RNF6: variants seen among roughly 807,000 people sequenced by gnomAD.
RNF6 encodes ring finger protein 6, also known as E3 ubiquitin-protein ligase RNF6.
Under a neutral mutation model 50.1 loss-of-function variants are expected in RNF6, and 21 were observed. That is an observed-to-expected ratio of 0.42 (90% CI 0.30 to 0.60). RNF6 has a LOEUF of 0.60. Among genes scored for constraint, RNF6 ranks in the 20% least tolerant of loss-of-function variants. RNF6 has a pLI of 0.20. For synonymous variants in RNF6, 255 were observed against 291.8 expected, an observed-to-expected ratio of 0.87 and a Z score of 1.29; for missense variants, 698 against 838.2, an observed-to-expected ratio of 0.83 and a Z score of 2.07.
intron 5 of RNF6, among the ~76,000 whole-genome samples, chr13:26,140,257 A>G (rs191811033): frequency 6.6e-6 from 1 of 152,194 alleles, no homozygotes; most frequent in African/African-American, 2.4e-5. Flanking sequence ...AAATTAATTG[A>G]AAGGAGTTTA....
intron 5 of RNF6, among the ~76,000 whole-genome samples, chr13:26,203,275 G>A (rs1334697760): frequency 6.6e-6 from 1 of 152,202 alleles, no homozygotes; most frequent in Admixed American, 6.5e-5. Context: ...TATTTAACCT[G>A]GAGAAGGGAA....
intron 5 of RNF6, among the ~76,000 whole-genome samples, chr13:26,198,050 T>C (rs940480027): frequency 1.3e-5 from 2 of 150,984 alleles, no homozygotes; most frequent in Admixed American, 6.6e-5. Context: ...GATGTGTATA[T>C]ATACATACAT....
At chr13:26,178,875 A>C in intron 5 of RNF6, among the ~76,000 whole-genome samples, 1 of 152,064 alleles carries the variant, frequency 6.6e-6, no homozygotes, top group East Asian at 1.9e-4. Flanking sequence ...TATAAGTGAG[A>C]TCATGCAGTG....
intron 4 of RNF6, among the ~76,000 whole-genome samples, chr13:26,217,427 G>A (rs188967783): frequency 2.4e-4 from 37 of 152,198 alleles, no homozygotes; most frequent in African/African-American, 8.2e-4. Flanking sequence ...TAAAAGCATC[G>A]GAAATTGGCT....
At chr13:26,146,398 C>T (rs1358581069) in intron 5 of RNF6, among the ~76,000 whole-genome samples, 1 of 152,196 alleles carries the variant, frequency 6.6e-6, no homozygotes, top group Non-Finnish European at 1.5e-5. Context: ...TCAAATTATT[C>T]CCATTGCATT....
chr13:26,190,801 C>A (rs1025500104), intron 5 of RNF6, among the ~76,000 whole-genome samples: 2 of 152,170 alleles, frequency 1.3e-5, no homozygotes, highest in Admixed American at 1.3e-4. Flanking sequence ...GTTAATGTGA[C>A]CTAATTCATC....
intron 5 of RNF6, among the ~76,000 whole-genome samples, chr13:26,185,721 G>C (rs932324165): frequency 1.3e-5 from 2 of 152,194 alleles, no homozygotes; most frequent in African/African-American, 4.8e-5. Flanking sequence ...ACTCCAGCCT[G>C]GGCAAAACGA....
intron 5 of RNF6, among the ~76,000 whole-genome samples, chr13:26,160,970 C>A (rs1872185803): frequency 6.6e-6 from 1 of 152,050 alleles, no homozygotes; most frequent in Non-Finnish European, 1.5e-5. Flanking sequence ...TTTAATTACC[C>A]CTTGGAAGAC....
chr13:26,220,799 A>T (rs1352260340), intron 2 of RNF6, among the ~76,000 whole-genome samples: 1 of 152,236 alleles, frequency 6.6e-6, no homozygotes, highest in Non-Finnish European at 1.5e-5. Flanking sequence ...CTACCAGTGA[A>T]GCAACTGTGC....
At chr13:26,185,373 T>C (rs1873467335) in intron 5 of RNF6, among the ~76,000 whole-genome samples, 1 of 152,176 alleles carries the variant, frequency 6.6e-6, no homozygotes, top group East Asian at 1.9e-4. Flanking sequence ...CATAAATATA[T>C]ATATGAGCAT....
chr13:26,178,365 G>A (rs9581573), intron 5 of RNF6, among the ~76,000 whole-genome samples: 6,685 of 152,012 alleles, frequency 0.044, 198 homozygotes, highest in South Asian at 0.07. Context: ...GTGGTGAAAC[G>A]GGAGAGGGGT....
chr13:26,162,208 G>T (rs1194619848), intron 5 of RNF6, among the ~76,000 whole-genome samples: 4 of 151,948 alleles, frequency 2.6e-5, no homozygotes, highest in Non-Finnish European at 1.5e-5. Context: ...CCCAGGAAGG[G>T]GTGCCTTCAT....
chr13:26,165,095 G>T lies in RNF6; in HGVS notation n.769-32644C>A, dbSNP rs574561500. On this transcript the variant is annotated intron_variant and non_coding_transcript_variant, in intron 5 of 5. Transcript: ENST00000468480. ...AAGTGGTTTCGTGAGCCAGGTCCAT[G>T]GTTCCTATGCTGTGTGCAGCCTAGG... Among the ~76,000 whole-genome samples the T allele has an allele frequency of 3.3e-5, 5 of 152,288 alleles. No individual in the cohort carries two copies. In the East Asian group the frequency reaches 7.7e-4, roughly 24 times the overall value.
chr13:26,207,688 C>G (rs1869164596), intron 5 of RNF6, among the ~76,000 whole-genome samples: 1 of 152,166 alleles, frequency 6.6e-6, no homozygotes, highest in African/African-American at 2.4e-5. Flanking sequence ...ATCTCCAAGC[C>G]CTCCTATTCT....
At chr13:26,156,727 T>G (rs532427800) in intron 5 of RNF6, among the ~76,000 whole-genome samples, 13 of 152,308 alleles carry the variant, frequency 8.5e-5, no homozygotes, top group African/African-American at 3.1e-4. Flanking sequence ...AAATAAAAAC[T>G]ACTTAGAAAG....
intron 5 of RNF6, among the ~76,000 whole-genome samples, chr13:26,184,016 A>ATTTTTTTT (rs1873382652): frequency 5.2e-5 from 2 of 38,570 alleles, no homozygotes; most frequent in African/African-American, 2.3e-4. Context: ...ATATATATAT[A>ATTTTTTTT]TATTTTTTTT....
At chr13:26,181,078 C>T (rs956865142) in intron 5 of RNF6, among the ~76,000 whole-genome samples, 1 of 152,206 alleles carries the variant, frequency 6.6e-6, no homozygotes, top group African/African-American at 2.4e-5. Flanking sequence ...GACCTTCCTC[C>T]ATCAGCCTTC....
At chr13:26,154,190 A>C (rs1339339332) in intron 5 of RNF6, 1 of 152,298 alleles carries the variant, frequency 6.6e-6, no homozygotes, top group African/African-American at 2.4e-5. Flanking sequence ...AGGTGAAAAG[A>C]AGTACAATTT....
intron 5 of RNF6, among the ~76,000 whole-genome samples, chr13:26,157,035 T>C (rs1871963280): frequency 6.6e-6 from 1 of 152,180 alleles, no homozygotes; most frequent in South Asian, 2.1e-4. Flanking sequence ...AAAGAATGCC[T>C]AGGGTTGGGG....
Sources: allele counts gnomAD v4.1 joint callset (sites outside exome capture counted in the v4.1 genomes callset), GRCh38; gene constraint gnomAD v4.1.1; transcripts MANE v1.5; gene names NCBI Gene and HGNC (gene_info 2026-07-23, HGNC 2026-07-21).